The following OCA2 variants were observed in gnomAD, a reference collection of about 807,000 sequenced individuals.
The protein encoded by OCA2 is OCA2 melanosomal transmembrane protein.
In OCA2, 77 loss-of-function variants were observed where a neutral mutation model predicts 100.2. The observed-to-expected ratio is 0.77, with a 90% CI of 0.64 to 0.93. OCA2 has a LOEUF of 0.93. Ranked by LOEUF, OCA2 falls within the 40% of genes least tolerant of loss-of-function variation. The pLI is 0.00. For synonymous variants in OCA2, 432 were observed against 439.2 expected (o/e 0.98, Z 0.21); for missense variants, 1,062 against 1,089.1 (o/e 0.98, Z 0.35).
intron 23 of OCA2, among the ~76,000 whole-genome samples, chr15:27,837,029 T>G (rs2035179516): frequency 6.6e-6 from 1 of 152,210 alleles, no homozygotes; most frequent in Non-Finnish European, 1.5e-5. Flanking sequence ...AAATCAGCAT[T>G]ATCAATTAGT....
intron 19 of OCA2, among the ~76,000 whole-genome samples, chr15:27,910,758 C>T (rs2038362587): frequency 6.6e-6 from 1 of 151,252 alleles, no homozygotes; most frequent in South Asian, 2.1e-4. Context: ...GAGTTCGAGA[C>T]CAGCCTAACC....
At chr15:28,025,418 G>T (rs2141324365) in intron 4 of OCA2, among the ~76,000 whole-genome samples, 1 of 152,240 alleles carries the variant, frequency 6.6e-6, no homozygotes, top group East Asian at 1.9e-4. Context: ...TAACCATCAA[G>T]CCACACACTC....
chr15:27,780,924 A>C (rs74007369), intron 23 of OCA2, among the ~76,000 whole-genome samples: 4,083 of 152,310 alleles, frequency 0.027, 198 homozygotes, highest in African/African-American at 0.093. Flanking sequence ...ATGAGGAAAA[A>C]AAAGCTCTGA....
chr15:28,034,612 A>G (rs2141403476), intron 2 of OCA2, among the ~76,000 whole-genome samples: 1 of 152,226 alleles, frequency 6.6e-6, no homozygotes, highest in African/African-American at 2.4e-5. Context: ...CCTGTCTCTA[A>G]AAAAATTCAA....
At chr15:27,893,344 A>T (rs559136294) in intron 19 of OCA2, among the ~76,000 whole-genome samples, 1 of 152,312 alleles carries the variant, frequency 6.6e-6, no homozygotes, top group African/African-American at 2.4e-5. Flanking sequence ...ATTGTAAAAC[A>T]CGTGTGTTTG....
downstream of OCA2, among the ~76,000 whole-genome samples, chr15:27,751,971 C>CTTCTGTT (rs2030078976): frequency 1.3e-5 from 2 of 152,330 alleles, no homozygotes; most frequent in African/African-American, 4.8e-5. Context: ...GCACAGTGAT[C>CTTCTGTT]TTCTGTTATG....
intron 21 of OCA2, among the ~76,000 whole-genome samples, chr15:27,864,905 G>T (rs1041935139): frequency 1.3e-5 from 2 of 151,736 alleles, no homozygotes; most frequent in Non-Finnish European, 2.9e-5. Flanking sequence ...CCCTAAGAAC[G>T]CCACCCACAG....
In OCA2 at chr15:27,810,564, T is replaced by C. The variant is rs144827898; in HGVS notation, c.2432+34395A>G. On this transcript the variant is annotated intron_variant, in intron 23 of 23. Transcript: ENST00000354638. ...GCAAAAGAAGTAATCATCAGAGTAT[T>C]AATAAAAATCATCAAACAGACAACC... is the stretch of plus-strand genomic sequence containing the variant. 6.4e-3 allele frequency among the ~76,000 whole-genome samples: 975 copies of C among 151,592 alleles called. 6 individuals are homozygous for C. The highest frequency in any genetic ancestry group is 0.017 in the Middle Eastern group (5 of 294).
At chr15:27,933,297 A>T (rs1344639506) in intron 18 of OCA2, among the ~76,000 whole-genome samples, 2 of 152,246 alleles carry the variant, frequency 1.3e-5, no homozygotes, top group East Asian at 3.9e-4. Context: ...AGCAAAAGTG[A>T]AAAAAAGCAG....
chr15:27,770,895 T>C (rs74517430), intron 23 of OCA2, among the ~76,000 whole-genome samples: 66,212 of 118,534 alleles, frequency 0.56, 19,355 homozygotes, highest in East Asian at 0.62. Context: ...CCTTCCCATC[T>C]CCTTTTCCTT....
chr15:27,752,044 A>G (rs1190938869), downstream of OCA2, among the ~76,000 whole-genome samples: 3 of 152,196 alleles, frequency 2.0e-5, no homozygotes, highest in Non-Finnish European at 2.9e-5. Context: ...GCACTGCAGG[A>G]GGAAGTGGCT....
chr15:27,983,864 T>A (rs1319338690), intron 13 of OCA2, among the ~76,000 whole-genome samples: 1 of 151,958 alleles, frequency 6.6e-6, no homozygotes, highest in Non-Finnish European at 1.5e-5. Context: ...GCCTGCTGAC[T>A]CAGCCCCTTT....
intron 23 of OCA2, among the ~76,000 whole-genome samples, chr15:27,801,414 T>C (rs2033602986): frequency 6.6e-6 from 1 of 151,876 alleles, no homozygotes; most frequent in Admixed American, 6.6e-5. Flanking sequence ...TAGCTGAGTG[T>C]GGCGGCACAC....
At chr15:27,740,490 GAGA>G in the OCA2 span, among the ~76,000 whole-genome samples, 346 of 152,274 alleles carry the variant, frequency 2.3e-3, 2 homozygotes, top group African/African-American at 8.0e-3. Flanking sequence ...TCCACTAGGA[GAGA>G]AGAAGAAGGA....
At chr15:27,962,710 T>C (rs921093583) in intron 15 of OCA2, among the ~76,000 whole-genome samples, 2 of 152,116 alleles carry the variant, frequency 1.3e-5, no homozygotes, top group Non-Finnish European at 2.9e-5. Context: ...TGTATTTAAA[T>C]ACTCAATTAA....
intron 19 of OCA2, among the ~76,000 whole-genome samples, chr15:27,885,206 T>C (rs1346455222): frequency 6.6e-6 from 1 of 152,176 alleles, no homozygotes; most frequent in Non-Finnish European, 1.5e-5. Flanking sequence ...GGAAGCCTGA[T>C]TTAGGATTTG....
At chr15:27,968,324 A>AG (rs2040649202) in intron 14 of OCA2, among the ~76,000 whole-genome samples, 1 of 141,594 alleles carries the variant, frequency 7.1e-6, no homozygotes. Context: ...TCAGAGGCAC[A>AG]GTGACAATGC....
At position 28,013,709 on chromosome 15, in the gene OCA2, G is replaced by T. The variant is rs2042303951; in HGVS notation, c.1044+1067C>A. On this transcript the variant is annotated intron_variant, in intron 9 of 23. Transcript: ENST00000354638. ...GAAGCCCACTCCTGGGTTCCTCCAG[G>T]CTCAGCAGGTTTCCACTGCCGGGCA... 2.0e-5 allele frequency among the ~76,000 whole-genome samples: 3 copies of T among 152,132 alleles called. No individual in the cohort carries two copies. The South Asian group carries it at 6.2e-4, about 32-fold the overall frequency.
chr15:27,720,089 T>A, the OCA2 span, among the ~76,000 whole-genome samples: 1 of 152,212 alleles, frequency 6.6e-6, no homozygotes, highest in Non-Finnish European at 1.5e-5. Context: ...AAGTATTAAG[T>A]ATTGCCACAA....
Sources: allele counts gnomAD v4.1 joint callset (sites outside exome capture counted in the v4.1 genomes callset), GRCh38; gene constraint gnomAD v4.1.1; transcripts MANE v1.5; gene names NCBI Gene and HGNC (gene_info 2026-07-23, HGNC 2026-07-21).